ENPEP: variants seen among roughly 807,000 people sequenced by gnomAD.
ENPEP encodes the protein glutamyl aminopeptidase, also known as AP-A.
A neutral mutation model predicts 114.5 loss-of-function variants in ENPEP; 103 were observed. That is an observed-to-expected ratio of 0.90 (90% CI 0.77 to 1.06). The LOEUF (loss-of-function observed/expected upper bound fraction) is 1.06, where lower values mean the gene tolerates loss of function less well. Among genes scored for constraint, ENPEP ranks in the 50% least tolerant of loss-of-function variants. The probability of loss-of-function intolerance (pLI) is 0.00; values close to 1 mark genes in which losing one functional copy is unlikely to be tolerated. For missense variants in ENPEP, 1,196 were observed against 1,161.3 expected (o/e 1.03, Z -0.43); for synonymous variants, 420 against 422.0 (o/e 1.00, Z 0.06).
At chr4:110,501,634 G>A (rs1560555468) in intron 3 of ENPEP, among the ~76,000 whole-genome samples, 1 of 152,178 alleles carries the variant, frequency 6.6e-6, no homozygotes, top group African/African-American at 2.4e-5. Flanking sequence ...TTATGGCTGT[G>A]AAGTAGTCCA....
intron 3 of ENPEP, among the ~76,000 whole-genome samples, chr4:110,492,566 G>T (rs1248265205): frequency 6.6e-6 from 1 of 152,102 alleles, no homozygotes; most frequent in East Asian, 1.9e-4. Flanking sequence ...CTTTTCAAAG[G>T]GGCTGCATAT....
chr4:110,520,270 A>G lies in ENPEP; in HGVS notation c.1631A>G (p.Tyr544Cys). ...VMDTWTRQMG[Y>C]PVLNVNGVKN... The stretch of plus-strand genomic sequence containing the variant: ...GACACCTGGACCAGACAGATGGGTT[A>G]TCCTGTGCTTAACGTGAACGGTGTC... Residue 544 changes from tyrosine to cysteine, a missense_variant, in exon 10 of 20, where the codon TAT becomes TGT. Tyr to Cys is a radical substitution (Grantham distance 194). Coordinates refer to ENST00000265162, the MANE Select transcript of ENPEP (RefSeq NM_001977.4). The G allele has an allele frequency of 6.2e-7, 1 of 1,614,072 alleles. No individual in the cohort carries two copies. Among genetic ancestry groups the G allele is most frequent in the East Asian group, 2.2e-5 (1 of 44,884 alleles).
chr4:110,506,387 A>T, intron 3 of ENPEP: 1 of 377,962 alleles, frequency 2.6e-6, no homozygotes, highest in Admixed American at 4.3e-5. Context: ...GTCTTACATT[A>T]TTTCTAGTCA....
intron 3 of ENPEP, among the ~76,000 whole-genome samples, chr4:110,502,045 G>A (rs538654911): frequency 6.6e-6 from 1 of 152,264 alleles, no homozygotes; most frequent in South Asian, 2.1e-4. Flanking sequence ...GTCATGTTGA[G>A]CATTTTTTCA....
In ENPEP at chr4:110,491,075, G is replaced by A. The variant is rs1197308668; in HGVS notation, c.829G>A (p.Glu277Lys). 3 of 1,612,324 alleles carry A rather than the reference G, an allele frequency of 1.9e-6. No individual in the cohort carries two copies. The Admixed American group carries it at 5.0e-5, about 27-fold the overall frequency. Residue 277 changes from glutamate to lysine, a missense_variant, in exon 3 of 20, where the codon GAG becomes AAG. Transcript: ENST00000265162. The part of the protein sequence containing the change: ...VDDKWTRTTF[E>K]KSVPMSTYLV... ...TGATAAATGGACTCGAACAACTTTT[G>A]AGAAGTCTGTCCCCATGAGCACGTA...
chr4:110,476,228 T>C lies in ENPEP; in HGVS notation c.-187T>C. 4.6e-6 allele frequency: 3 copies of C among 653,002 alleles called. No individual in the cohort carries two copies. Among genetic ancestry groups the C allele is most frequent in the Non-Finnish European group, 7.4e-6 (3 of 406,956 alleles). 40.5% of individuals were successfully genotyped at this position (653,002 alleles called of 1,614,324 possible). A position where few individuals can be genotyped will look rare whatever the true frequency, so the allele number is the denominator to read the frequency against. On this transcript the variant is annotated 5_prime_UTR_variant, in exon 1 of 20. Coordinates refer to ENST00000265162, the MANE Select transcript of ENPEP (RefSeq NM_001977.4). ...ACCCCCCTTGTTTCCGCATTCATCCTGAGTGGCTGGTGGGAACGTGAAAAG... is the reference window on the plus strand; with the variant it reads ...ACCCCCCTTGTTTCCGCATTCATCCCGAGTGGCTGGTGGGAACGTGAAAAG...
At chr4:110,482,589 T>C (rs1724353109) in intron 1 of ENPEP, among the ~76,000 whole-genome samples, 1 of 152,250 alleles carries the variant, frequency 6.6e-6, no homozygotes, top group African/African-American at 2.4e-5. Flanking sequence ...CCTGCATGGA[T>C]GTGTATGTAT....
chr4:110,546,879 C>T (rs1233784178), intron 13 of ENPEP, among the ~76,000 whole-genome samples: 4 of 152,056 alleles, frequency 2.6e-5, no homozygotes, highest in Admixed American at 2.6e-4. Context: ...AGTGACTAGA[C>T]AGCTGGGAAC....
chr4:110,532,240 C>T (rs1403069369), intron 11 of ENPEP, among the ~76,000 whole-genome samples: 1 of 152,118 alleles, frequency 6.6e-6, no homozygotes, highest in Non-Finnish European at 1.5e-5. Context: ...TTTAGAAACC[C>T]CATACCCTTT....
At chr4:110,558,229 C>CAT (rs1031283667) in intron 18 of ENPEP, among the ~76,000 whole-genome samples, 7 of 144,630 alleles carry the variant, frequency 4.8e-5, no homozygotes, top group African/African-American at 1.5e-4. Context: ...TCTGCTTTTG[C>CAT]ATATATATAT....
chr4:110,545,980 C>G (rs1462310554), intron 13 of ENPEP, among the ~76,000 whole-genome samples: 1 of 152,066 alleles, frequency 6.6e-6, no homozygotes, highest in Non-Finnish European at 1.5e-5. Flanking sequence ...CCAGGAGACA[C>G]AGGTAAACCT....
At chr4:110,543,749 C>T (rs1726941509) in intron 13 of ENPEP, among the ~76,000 whole-genome samples, 1 of 151,884 alleles carries the variant, frequency 6.6e-6, no homozygotes. Context: ...TTTTATTTCT[C>T]TGGCTTTGTA....
In ENPEP at chr4:110,561,519, C is replaced by G. The variant is rs1010804751; in HGVS notation, c.2835C>G (p.Thr945=). The G allele has an allele frequency of 7.4e-6, 12 of 1,613,650 alleles. No homozygotes were observed. Among genetic ancestry groups the G allele is most frequent in the Non-Finnish European group, 8.5e-6 (10 of 1,179,784 alleles). ...NIEWLKQHRN[T]IREWFFNLLE... is the part of the protein sequence containing the mutation. ...AGTGGCTAAAACAACATAGAAACACCATCAGAGAATGGTTTTTTAATTTAC... is the reference window on the plus strand; with the variant it reads ...AGTGGCTAAAACAACATAGAAACACGATCAGAGAATGGTTTTTTAATTTAC... Residue 945 remains threonine (T), a synonymous_variant, in exon 20 of 20, where the codon ACC becomes ACG. Coordinates refer to ENST00000265162, the MANE Select transcript of ENPEP (RefSeq NM_001977.4).
chr4:110,520,304 C>T lies in ENPEP; in HGVS notation c.1665C>T (p.Ile555=). Residue 555 remains isoleucine, a synonymous_variant, in exon 10 of 20, where the codon ATC becomes ATT. Coordinates refer to ENST00000265162, the MANE Select transcript of ENPEP (RefSeq NM_001977.4). ...PVLNVNGVKN[I]TQKRFLLDPR... is the part of the protein sequence containing the mutation. Reference sequence around the variant, plus strand: ...TTAACGTGAACGGTGTCAAGAACATCACACAGAAACGCTTTTTGTTGGACC... The same window carrying T: ...TTAACGTGAACGGTGTCAAGAACATTACACAGAAACGCTTTTTGTTGGACC... The T allele has an allele frequency of 6.2e-7, 1 of 1,614,068 alleles. No homozygotes were observed.
At chr4:110,490,326 T>C (rs1387026381) in intron 2 of ENPEP, among the ~76,000 whole-genome samples, 2 of 152,216 alleles carry the variant, frequency 1.3e-5, no homozygotes, top group Non-Finnish European at 2.9e-5. Context: ...CCCATTCTAA[T>C]CCAGCCTCCC....
At chr4:110,523,385 A>G (rs1578407127) in intron 10 of ENPEP, among the ~76,000 whole-genome samples, 6 of 152,264 alleles carry the variant, frequency 3.9e-5, no homozygotes, top group African/African-American at 9.6e-5. Context: ...CAGTCGTACA[A>G]AACTGTGAGT....
intron 18 of ENPEP, among the ~76,000 whole-genome samples, chr4:110,554,720 TAAATACTGCATATTTTG>T (rs1395934047): frequency 2.7e-4 from 41 of 152,218 alleles, no homozygotes; most frequent in South Asian, 8.3e-4. Context: ...TGGCTAGTGA[TAAATACTGCATATTTTG>T]TTTTAGTTGA....
intron 11 of ENPEP, among the ~76,000 whole-genome samples, chr4:110,537,875 A>G (rs756158107): frequency 6.6e-6 from 1 of 152,218 alleles, no homozygotes; most frequent in Non-Finnish European, 1.5e-5. Flanking sequence ...ATAAGAGCTC[A>G]TGGATGACCA....
rs1725386102 is a variant in ENPEP, at chr4:110,506,705, G to T, written c.987G>T (p.Val329=). The T allele has an allele frequency of 6.2e-7, 1 of 1,610,398 alleles. No individual in the cohort carries two copies. The highest frequency in any genetic ancestry group is 8.5e-7 in the Non-Finnish European group (1 of 1,177,448). The change falls in exon 4 of 20, where the codon GTG becomes GTT. Residue 329 remains valine (V), a synonymous_variant. Coordinates refer to ENST00000265162, the MANE Select transcript of ENPEP (RefSeq NM_001977.4). ...ATGCTGCAAACATAACTAAAAGTGT[G>T]TTTGATTATTTTGAAGAATACTTTG... ...AEYAANITKS[V]FDYFEEYFAM... is the part of the protein sequence containing the mutation.
Sources: allele counts gnomAD v4.1 joint callset (sites outside exome capture counted in the v4.1 genomes callset), GRCh38; gene constraint gnomAD v4.1.1; transcripts MANE v1.5; gene names NCBI Gene and HGNC (gene_info 2026-07-23, HGNC 2026-07-21).